DENND5B: variants seen among roughly 807,000 people sequenced by gnomAD.
The protein encoded by DENND5B is DENN domain-containing protein 5B.
Under a neutral mutation model 140.6 loss-of-function variants are expected in DENND5B, and 34 were observed. The observed-to-expected ratio is 0.24, with a 90% CI of 0.18 to 0.32. The LOEUF (loss-of-function observed/expected upper bound fraction) is 0.32, where lower values mean the gene tolerates loss of function less well. Among genes scored for constraint, DENND5B ranks in the 10% least tolerant of loss-of-function variants. The pLI is 1.00. For missense variants in DENND5B, 1,142 were observed against 1,560.2 expected (o/e 0.73, Z 4.52); for synonymous variants, 551 against 562.1 (o/e 0.98, Z 0.28).
intron 1 of DENND5B, among the ~76,000 whole-genome samples, chr12:31,581,888 C>T (rs746571691): frequency 7.9e-5 from 12 of 152,046 alleles, no homozygotes; most frequent in Admixed American, 1.3e-4. Context: ...TCGTGTAGTA[C>T]GTACAGATAA....
intron 3 of DENND5B, among the ~76,000 whole-genome samples, chr12:31,474,959 G>A (rs371778258): frequency 1.8e-4 from 28 of 152,226 alleles, no homozygotes; most frequent in African/African-American, 6.5e-4. Flanking sequence ...GACAGATAAG[G>A]AGAGGTTAAG....
At chr12:31,574,757 G>A (rs577905051) in intron 1 of DENND5B, among the ~76,000 whole-genome samples, 8 of 152,200 alleles carry the variant, frequency 5.3e-5, no homozygotes, top group Admixed American at 2.0e-4. Flanking sequence ...TTTACAAGTG[G>A]TTCACTGTAA....
chr12:31,565,101 G>T (rs959205301), intron 1 of DENND5B, among the ~76,000 whole-genome samples: 1 of 151,994 alleles, frequency 6.6e-6, no homozygotes, highest in Non-Finnish European at 1.5e-5. Context: ...TTGCCAATTC[G>T]ACTACTGCAT....
chr12:31,582,859 C>G (rs1348530974), intron 1 of DENND5B, among the ~76,000 whole-genome samples: 1 of 152,160 alleles, frequency 6.6e-6, no homozygotes, highest in Admixed American at 6.5e-5. Flanking sequence ...ACTAGGGAGA[C>G]AGCAAATATA....
chr12:31,390,079 C>G (rs1289440786), intron 19 of DENND5B, among the ~76,000 whole-genome samples: 1 of 151,468 alleles, frequency 6.6e-6, no homozygotes, highest in Non-Finnish European at 1.5e-5. Context: ...ATGAAATAAA[C>G]TACTTCATCT....
Position 31,479,761 on chromosome 12 carries a change from T to C in DENND5B, c.732A>G (p.Ser244=). ...GTTCATAAACACCATAAAATTTCAG[T>C]GACCTCCCTGGAGGTGGAAGGGGTA... ...YEVPLPPPGR[S]LKFYGVYEPV... The change falls in exon 3 of 21, where the codon TCA becomes TCG. Residue 244 remains serine (S), a synonymous_variant. Transcript: ENST00000389082. 6.2e-7 allele frequency: 1 copy of C among 1,606,208 alleles called. No individual in the cohort carries two copies.
chr12:31,565,428 T>C (rs1949592550), intron 1 of DENND5B, among the ~76,000 whole-genome samples: 1 of 152,164 alleles, frequency 6.6e-6, no homozygotes, highest in Non-Finnish European at 1.5e-5. Flanking sequence ...TGTTAAGCAA[T>C]TTATACATCT....
intron 2 of DENND5B, among the ~76,000 whole-genome samples, chr12:31,494,137 C>CTTCT (rs1186968747): frequency 6.8e-6 from 1 of 146,710 alleles, no homozygotes; most frequent in Non-Finnish European, 1.5e-5. Flanking sequence ...ATCTCTCTAT[C>CTTCT]TTCTATCTAT....
intron 1 of DENND5B, among the ~76,000 whole-genome samples, chr12:31,509,272 T>C (rs1244998564): frequency 3.9e-5 from 6 of 152,160 alleles, no homozygotes; most frequent in South Asian, 2.1e-4. Context: ...CTGTCGACAG[T>C]GCCACAATTC....
intron 1 of DENND5B, among the ~76,000 whole-genome samples, chr12:31,556,268 G>A (rs1045227763): frequency 2.6e-5 from 4 of 152,088 alleles, no homozygotes; most frequent in African/African-American, 9.7e-5. Flanking sequence ...GGAGCAGCAT[G>A]ACCTCGGCTC....
chr12:31,442,697 A>G, intron 7 of DENND5B, 78 bp downstream of exon 7: 6 of 1,463,966 alleles, frequency 4.1e-6, no homozygotes, highest in Non-Finnish European at 5.5e-6. Flanking sequence ...ATAGTTAAGC[A>G]TTGTCCATTT....
chr12:31,392,160 AT>A, intron 19 of DENND5B, 106 bp downstream of exon 19: 8 of 1,159,022 alleles, frequency 6.9e-6, no homozygotes, highest in Non-Finnish European at 9.1e-6. Context: ...AAGAAAAAAA[AT>A]ATATATATCC....
In DENND5B at chr12:31,460,251, C is replaced by G; in HGVS notation, c.1035G>C (p.Leu345=). The part of the protein sequence containing the change: ...LHFLDAPVPY[L]MGLQSKEGTD... ...TTCCTTCTTTTGACTGAAGGCCCAT[C>G]AGATAAGGGACAGGAGCATCAAGAA... The change falls in exon 4 of 21, where the codon CTG becomes CTC. Residue 345 remains leucine (L), a synonymous_variant. Coordinates refer to ENST00000389082, the MANE Select transcript of DENND5B (RefSeq NM_144973.4). 6.2e-7 allele frequency: 1 copy of G among 1,613,786 alleles called. No individual in the cohort carries two copies. Among genetic ancestry groups the G allele is most frequent in the Non-Finnish European group, 8.5e-7 (1 of 1,179,828 alleles).
chr12:31,492,774 C>T (rs1174921342), intron 2 of DENND5B, among the ~76,000 whole-genome samples: 2 of 152,210 alleles, frequency 1.3e-5, no homozygotes, highest in African/African-American at 4.8e-5. Context: ...TAGTCAGATG[C>T]TTGTCTGGAC....
At chr12:31,551,977 G>C (rs1043487764) in intron 1 of DENND5B, among the ~76,000 whole-genome samples, 1 of 152,078 alleles carries the variant, frequency 6.6e-6, no homozygotes, top group Non-Finnish European at 1.5e-5. Flanking sequence ...GAGACGATGG[G>C]GTTTTCTAGA....
At chr12:31,447,416 G>A (rs1944320895) in intron 6 of DENND5B, 122 bp downstream of exon 6, 2 of 833,192 alleles carry the variant, frequency 2.4e-6, no homozygotes, top group Non-Finnish European at 3.6e-6. Flanking sequence ...TCGTGATATA[G>A]TACCAGGATT....
chr12:31,553,752 T>C (rs1327164574), intron 1 of DENND5B, among the ~76,000 whole-genome samples: 3 of 152,242 alleles, frequency 2.0e-5, no homozygotes, highest in Admixed American at 2.0e-4. Flanking sequence ...TGCTCCTGTA[T>C]TGGGTGCATA....
In DENND5B at chr12:31,385,576, C is replaced by T. The variant is rs1196840679; in HGVS notation, c.*2027G>A. The T allele has an allele frequency of 1.3e-5, 2 of 152,304 alleles. No individual in the cohort carries two copies. The highest frequency in any genetic ancestry group is 4.8e-5 in the African/African-American group (2 of 41,464). The allele number at this position is 152,304 out of a possible 1,614,324, so 9.4% of individuals were successfully genotyped here. On this transcript the variant is annotated 3_prime_UTR_variant, in exon 21 of 21. Coordinates refer to ENST00000389082, the MANE Select transcript of DENND5B (RefSeq NM_144973.4). The stretch of plus-strand genomic sequence containing the variant: ...GGTTCTGGATATCTCCCACGATAAA[C>T]TTCCCATGTCCCTGGAAGAGCTGTA...
In DENND5B at chr12:31,577,986, G is replaced by A. The variant is rs138175749; in HGVS notation, c.127+12720C>T. On this transcript the variant is annotated intron_variant, in intron 1 of 20. Coordinates refer to ENST00000389082, the MANE Select transcript of DENND5B (RefSeq NM_144973.4). ...CAAAAAATACAAAAATTAGCCAGGC[G>A]TGGTAGCACACACACCTATAGTCCC... Among the ~76,000 whole-genome samples the A allele has an allele frequency of 2.6e-4, 39 of 152,034 alleles. No individual in the cohort carries two copies. The East Asian group carries it at 3.7e-3, about 14-fold the overall frequency.
Sources: gnomAD v4.1 joint callset for allele counts (sites outside exome capture counted in the v4.1 genomes callset) on GRCh38, gnomAD v4.1.1 for gene constraint, MANE v1.5 for transcripts, NCBI Gene and HGNC (gene_info 2026-07-23, HGNC 2026-07-21) for gene names.